The following TBC1D17 variants were observed in gnomAD, a reference collection of about 807,000 sequenced individuals.
TBC1D17 encodes the protein TBC1 domain family, member 17.
TBC1D17 carries 69 observed loss-of-function variants against 78.8 expected under a neutral mutation model. That is an observed-to-expected ratio of 0.88 (90% CI 0.72 to 1.07). The LOEUF is 1.07. Among genes scored for constraint, TBC1D17 ranks in the 50% least tolerant of loss-of-function variants. The pLI is 0.00. For missense variants in TBC1D17, 957 were observed against 861.0 expected (o/e 1.11, Z -1.39); for synonymous variants, 456 against 358.3 (o/e 1.27, Z -3.08).
chr19:49,879,536 C>T (rs2074991320), intron 3 of TBC1D17: 1 of 152,212 alleles, frequency 6.6e-6, no homozygotes, highest in South Asian at 2.1e-4. Context: ...AGAATTTGTC[C>T]TGTGTCCTGG....
chr19:49,880,495 C>G, intron 4 of TBC1D17, 93 bp downstream of exon 4: 3 of 1,492,594 alleles, frequency 2.0e-6, no homozygotes, highest in South Asian at 2.6e-5. Flanking sequence ...CTTTGCTGCC[C>G]ACAATCAAGA....
chr19:49,887,463 T>C lies in TBC1D17; in HGVS notation c.1445-13T>C, dbSNP rs1344779289. On this transcript the variant is annotated splice_polypyrimidine_tract_variant and intron_variant, in intron 13 of 16. Coordinates refer to ENST00000221543, the MANE Select transcript of TBC1D17 (RefSeq NM_024682.3). ...GCTGGGCAAGGCTGAGTGGGCTCCA[T>C]GTCATCCCCCAGATTCCCAGGACTC... 6.2e-7 allele frequency: 1 copy of C among 1,613,054 alleles called. No individual in the cohort carries two copies. Among genetic ancestry groups the C allele is most frequent in the Admixed American group, 1.7e-5 (1 of 59,942 alleles).
intron 4 of TBC1D17, 144 bp downstream of exon 4, chr19:49,880,546 G>C: frequency 6.0e-6 from 7 of 1,163,446 alleles, no homozygotes; most frequent in Non-Finnish European, 8.3e-6. Context: ...GAGCATGGAA[G>C]TGAATGGGAA....
intron 13 of TBC1D17, chr19:49,886,500 C>G (rs1382167887): frequency 1.3e-5 from 2 of 152,150 alleles, no homozygotes; most frequent in African/African-American, 4.8e-5. Flanking sequence ...TCTTCTGAAA[C>G]ATCACTTTTC....
chr19:49,882,037 C>T lies in TBC1D17; in HGVS notation c.528-4C>T. The T allele has an allele frequency of 6.2e-7, 1 of 1,613,182 alleles. No homozygotes were observed. The highest frequency in any genetic ancestry group is 8.5e-7 in the Non-Finnish European group (1 of 1,179,442). ...TCACCTGTGCGTCACCTCCCGCCTC[C>T]CAGCTCCCCGCAGGACTCCCGCCTC... On this transcript the variant is annotated splice_polypyrimidine_tract_variant and splice_region_variant and intron_variant, in intron 5 of 16. Transcript: ENST00000221543.
At chr19:49,887,452 A>G in intron 13 of TBC1D17, 24 bp from the exon 14 acceptor site, 3 of 1,609,844 alleles carry the variant, frequency 1.9e-6, no homozygotes, top group East Asian at 4.5e-5. Context: ...GGCAAGGCTG[A>G]GTGGGCTCCA....
Position 49,882,794 on chromosome 19 carries a change from C to CG in TBC1D17, c.833dup (p.Pro280SerfsTer14). 1 of 1,601,090 alleles carries CG rather than the reference C, an allele frequency of 6.2e-7. No homozygotes were observed. Among genetic ancestry groups the CG allele is most frequent in the Non-Finnish European group, 8.5e-7 (1 of 1,173,550 alleles). ...GCTGGGGCCTCGGCCAACCGTGGAG[C>CG]GGGGCCCTCCAGTTACAGAGGAGGA... On this transcript the variant is annotated frameshift_variant, in exon 8 of 17. Transcript: ENST00000221543. LOFTEE classifies it high-confidence loss of function.
rs761827049 is a variant in TBC1D17 at position 49,882,312 on chromosome 19, C to A, written c.710C>A (p.Ala237Asp). 6.2e-7 allele frequency: 1 copy of A among 1,611,880 alleles called. No homozygotes were observed. Among genetic ancestry groups the A allele is most frequent in the East Asian group, 2.2e-5 (1 of 44,888 alleles). The part of the protein sequence containing the change: ...FSRVTNFFRG[A>D]LQPQPEGAAS... Reference sequence around the variant, plus strand: ...CGAGTGACCAACTTCTTCCGGGGTGCCCTGCAGCCACAGCCTGAGGGAGCC... The same window carrying A: ...CGAGTGACCAACTTCTTCCGGGGTGACCTGCAGCCACAGCCTGAGGGAGCC... The change falls in exon 7 of 17, where the codon GCC (alanine) becomes GAC (aspartate). Residue 237 changes from alanine to aspartate, a missense_variant. Ala to Asp is a moderately radical substitution (Grantham distance 126). Coordinates refer to ENST00000221543, the MANE Select transcript of TBC1D17 (RefSeq NM_024682.3).
intron 1 of TBC1D17, 133 bp from the exon 2 acceptor site, chr19:49,878,010 G>A (rs948419498): frequency 2.7e-5 from 21 of 788,928 alleles, no homozygotes; most frequent in Non-Finnish European, 3.7e-5. Flanking sequence ...CATTCTCCCC[G>A]CCTTGGTCCC....
intron 3 of TBC1D17, 142 bp downstream of exon 3, chr19:49,878,714 C>G (rs1245955305): frequency 1.4e-6 from 1 of 694,792 alleles, no homozygotes; most frequent in African/African-American, 1.8e-5. Context: ...TACTCTGCCT[C>G]TCCTTTTGCT....
chr19:49,888,226 C>T lies in TBC1D17; in HGVS notation c.1660-5C>T. On this transcript the variant is annotated splice_region_variant and splice_polypyrimidine_tract_variant and intron_variant, in intron 15 of 16. Transcript: ENST00000221543. ...GACTGGCGCCTGACCCACCCCCTCC[C>T]GCAGCACATCAACGAGCTGACTATG... The T allele has an allele frequency of 1.9e-6, 3 of 1,576,916 alleles. No homozygotes were observed. Among genetic ancestry groups the T allele is most frequent in the Non-Finnish European group, 2.6e-6 (3 of 1,162,006 alleles).
intron 15 of TBC1D17, 130 bp from the exon 16 acceptor site, chr19:49,888,101 C>T (rs1568679437): frequency 7.0e-7 from 1 of 1,424,396 alleles, no homozygotes; most frequent in Non-Finnish European, 9.6e-7. Flanking sequence ...ATGTCTCGCC[C>T]AGCGCACTTC....
intron 7 of TBC1D17, 47 bp downstream of exon 7, chr19:49,882,447 T>C: frequency 1.3e-6 from 2 of 1,568,494 alleles, no homozygotes; most frequent in Non-Finnish European, 1.7e-6. Flanking sequence ...CGTGTCTCCC[T>C]GGGCGCATGA....
intron 2 of TBC1D17, 113 bp from the exon 3 acceptor site, chr19:49,878,385 G>C: frequency 7.9e-7 from 1 of 1,273,058 alleles, no homozygotes; most frequent in Non-Finnish European, 1.1e-6. Flanking sequence ...AATGAGGGGC[G>C]GGACTTTGAA....
rs180873954 is a variant in TBC1D17 at position 49,880,669 on chromosome 19, C to T, written c.319+267C>T. Among the ~76,000 whole-genome samples the T allele has an allele frequency of 2.4e-4, 37 of 152,350 alleles. No individual in the cohort carries two copies. The East Asian group carries it at 6.6e-3, about 27-fold the overall frequency. On this transcript the variant is annotated intron_variant, in intron 4 of 16. Coordinates refer to ENST00000221543, the MANE Select transcript of TBC1D17 (RefSeq NM_024682.3). ...GGGTGCTCCCACACCAGGCCTGCCCCTGAGGTTCGAGGCTGGTGGGGTGAC... is the reference window on the plus strand; with the variant it reads ...GGGTGCTCCCACACCAGGCCTGCCCTTGAGGTTCGAGGCTGGTGGGGTGAC...
intron 9 of TBC1D17, among the ~76,000 whole-genome samples, chr19:49,883,309 T>C (rs1202586941): frequency 1.3e-5 from 2 of 152,204 alleles, no homozygotes; most frequent in Admixed American, 6.5e-5. Context: ...TTTTGCAGCA[T>C]GTTTTATAAC....
intron 3 of TBC1D17, 125 bp from the exon 4 acceptor site, chr19:49,880,154 G>A (rs895819115): frequency 1.8e-5 from 23 of 1,271,786 alleles, no homozygotes; most frequent in Middle Eastern, 1.9e-4. Flanking sequence ...CACCGCACCC[G>A]GCCTGCTGTA....
intron 13 of TBC1D17, chr19:49,887,220 C>T (rs1048929529): frequency 2.0e-5 from 10 of 491,010 alleles, no homozygotes; most frequent in African/African-American, 1.2e-4. Context: ...TCTGTTTCGT[C>T]GGGCGTGCTG....
rs1448776633 is a variant in TBC1D17, at chr19:49,881,423, G to A, written c.475G>A (p.Gly159Arg). 6.2e-6 allele frequency: 10 copies of A among 1,612,140 alleles called. No homozygotes were observed. Among genetic ancestry groups the A allele is most frequent in the East Asian group, 4.5e-5 (2 of 44,880 alleles). ...CCTGCCCGCACTGCACTTCCACCGC[G>A]GGGGCACCCGCGCCCTGCTCCGCGT... ...GSLPALHFHR[G>R]GTRALLRVLS... The change falls in exon 5 of 17, where the codon GGG becomes AGG. Residue 159 changes from glycine to arginine, a missense_variant. Gly to Arg is a moderately radical substitution (Grantham distance 125). Coordinates refer to ENST00000221543, the MANE Select transcript of TBC1D17 (RefSeq NM_024682.3).
Sources: allele counts gnomAD v4.1 joint callset (sites outside exome capture counted in the v4.1 genomes callset), GRCh38; gene constraint gnomAD v4.1.1; transcripts MANE v1.5; gene names NCBI Gene and HGNC (gene_info 2026-07-23, HGNC 2026-07-21).